RPN1: variants seen among roughly 807,000 people sequenced by gnomAD.
RPN1 encodes dolichyl-diphosphooligosaccharide--protein glycosyltransferase subunit 1.
RPN1 carries 12 observed loss-of-function variants against 55.5 expected under a neutral mutation model. The ratio of observed to expected loss-of-function variants is 0.22; its 90% CI spans 0.14 to 0.35. The LOEUF is 0.35. Among genes scored for constraint, RPN1 ranks in the 10% least tolerant of loss-of-function variants. RPN1 has a pLI of 1.00. For missense variants in RPN1, 679 were observed against 761.3 expected, an observed-to-expected ratio of 0.89 and a Z score of 1.27; for synonymous variants, 317 against 305.9, an observed-to-expected ratio of 1.04 and a Z score of -0.38.
chr3:128,626,103 T>C, intron 6 of RPN1, 91 bp from the exon 7 acceptor site: 1 of 1,310,128 alleles, frequency 7.6e-7, no homozygotes, highest in Non-Finnish European at 1.0e-6. Flanking sequence ...TAAGGAGCCT[T>C]TCAAGATCAC....
At chr3:128,640,984 C>G (rs2069720006) in intron 2 of RPN1, 1 of 152,174 alleles carries the variant, frequency 6.6e-6, no homozygotes, top group East Asian at 1.9e-4. Context: ...ACTCCAAGAT[C>G]ATTAGGAACA....
At chr3:128,638,365 A>C (rs752530351) in intron 2 of RPN1, among the ~76,000 whole-genome samples, 12 of 152,240 alleles carry the variant, frequency 7.9e-5, no homozygotes, top group South Asian at 2.1e-4. Flanking sequence ...GGGATTACCT[A>C]TTAGAATGTT....
At chr3:128,646,157 A>G (rs1432459791) in intron 1 of RPN1, among the ~76,000 whole-genome samples, 1 of 135,184 alleles carries the variant, frequency 7.4e-6, no homozygotes, top group Admixed American at 8.4e-5. Context: ...TGGGAGACGG[A>G]GGTTGCAGTG....
At position 128,632,119 on chromosome 3, in the gene RPN1, G is replaced by A. The variant is rs1225072861; in HGVS notation, c.672C>T (p.Phe224=). 2.0e-5 allele frequency: 33 copies of A among 1,614,074 alleles called. No individual in the cohort carries two copies. The highest frequency in any genetic ancestry group is 2.5e-5 in the Non-Finnish European group (30 of 1,180,046). The part of the protein sequence containing the change: ...FKVHYENNSP[F]LTITSMTRVI... ...CTCGGGTCATGCTGGTGATGGTCAG[G>A]AAAGGGCTGTTGTTCTCATAATGTA... Residue 224 remains phenylalanine (F), a synonymous_variant, in exon 4 of 10, where the codon TTC becomes TTT. Coordinates refer to ENST00000296255, the MANE Select transcript of RPN1 (RefSeq NM_002950.4).
At chr3:128,629,911 A>T in intron 5 of RPN1, 40 bp downstream of exon 5, 1 of 1,171,928 alleles carries the variant, frequency 8.5e-7, no homozygotes, top group Non-Finnish European at 1.2e-6. Flanking sequence ...TCACGAAATT[A>T]AAGAAAAGGT....
intron 1 of RPN1, among the ~76,000 whole-genome samples, chr3:128,647,951 C>T (rs1366005734): frequency 6.6e-6 from 1 of 152,088 alleles, no homozygotes; most frequent in Non-Finnish European, 1.5e-5. Context: ...TAAAATTCTA[C>T]AAGGGTTTGA....
rs1323716755 is a variant in RPN1 at position 128,644,782 on chromosome 3, GA to G, written c.326+136del. The G allele has an allele frequency of 1.1e-4, 74 of 649,348 alleles. No homozygotes were observed. In the African/African-American group the frequency reaches 1.3e-3, roughly 11 times the overall value. The allele number at this position is 649,348 out of a possible 1,614,324, so 40.2% of individuals were successfully genotyped here. On this transcript the variant is annotated intron_variant, in intron 2 of 9. Transcript: ENST00000296255. ...AAGACCAGCCTGGGCAACATAGCTA[GA>G]CCTCCTCTCTACAAAAAAAAAACCC...
At chr3:128,646,687 A>AT (rs2069771107) in intron 1 of RPN1, among the ~76,000 whole-genome samples, 1 of 150,842 alleles carries the variant, frequency 6.6e-6, no homozygotes, top group Non-Finnish European at 1.5e-5. Context: ...ACTCCATCTC[A>AT]TAAAAAAAAA....
intron 1 of RPN1, among the ~76,000 whole-genome samples, chr3:128,645,249 A>G (rs2069757928): frequency 6.6e-6 from 1 of 152,140 alleles, no homozygotes; most frequent in Non-Finnish European, 1.5e-5. Flanking sequence ...AAGTGGGCGG[A>G]TCACCTGAGG....
In RPN1 at chr3:128,649,894, G is replaced by A. The variant is rs151215795; in HGVS notation, c.261+646C>T. 1.7e-3 allele frequency among the ~76,000 whole-genome samples: 263 copies of A among 152,284 alleles called. 3 individuals carry two copies. The highest frequency in any genetic ancestry group is 5.9e-3 in the African/African-American group (246 of 41,544). On this transcript the variant is annotated intron_variant, in intron 1 of 9. Coordinates refer to ENST00000296255, the MANE Select transcript of RPN1 (RefSeq NM_002950.4). ...TAAAAAGAGTTTTAACATTTAGAAA[G>A]CGTTCACTAGGAACCTTAAAATGCA...
At chr3:128,635,620 T>G (rs186263045) in intron 3 of RPN1, among the ~76,000 whole-genome samples, 497 of 27,548 alleles carry the variant, frequency 0.018, 6 homozygotes, top group African/African-American at 0.09. Flanking sequence ...GAGATATATA[T>G]ATATATATAT....
chr3:128,644,674 C>T, intron 2 of RPN1: 1 of 626,014 alleles, frequency 1.6e-6, no homozygotes, highest in South Asian at 1.6e-5. Flanking sequence ...AAAAAATCCT[C>T]TAGGACAGAT....
At chr3:128,622,555 C>T in intron 8 of RPN1, 146 bp from the exon 9 acceptor site, 1 of 1,006,112 alleles carries the variant, frequency 9.9e-7, no homozygotes. Context: ...CCTACTGATA[C>T]CTAATCTGGA....
chr3:128,649,643 T>C (rs929847582), intron 1 of RPN1, among the ~76,000 whole-genome samples: 2 of 152,202 alleles, frequency 1.3e-5, no homozygotes, highest in Non-Finnish European at 2.9e-5. Context: ...TTAACAACAA[T>C]AGTAATAAAA....
At chr3:128,638,493 T>C (rs1284587720) in intron 2 of RPN1, among the ~76,000 whole-genome samples, 1 of 152,328 alleles carries the variant, frequency 6.6e-6, no homozygotes, top group East Asian at 1.9e-4. Context: ...TTTTTTTCTT[T>C]TTTTGAGACA....
intron 8 of RPN1, among the ~76,000 whole-genome samples, chr3:128,622,901 A>C (rs1238747443): frequency 6.6e-6 from 1 of 151,852 alleles, no homozygotes; most frequent in Non-Finnish European, 1.5e-5. Flanking sequence ...CATCTCAAAA[A>C]AAAAAAAAAA....
In RPN1 at chr3:128,620,021, A is replaced by AAG. The variant is rs1362468083; in HGVS notation, c.*389_*390insCT. The AAG allele has an allele frequency of 4.5e-6, 1 of 223,630 alleles. No individual in the cohort carries two copies. Among genetic ancestry groups the AAG allele is most frequent in the Non-Finnish European group, 8.9e-6 (1 of 112,270 alleles). The allele number at this position is 223,630 out of a possible 1,614,324, so 13.9% of individuals were successfully genotyped here. A position where few individuals can be genotyped will look rare whatever the true frequency, so the allele number is the denominator to read the frequency against. On this transcript the variant is annotated 3_prime_UTR_variant, in exon 10 of 10. Transcript: ENST00000296255. The stretch of plus-strand genomic sequence containing the variant: ...CATTTGTTCACACACGCTTTAAAAA[A>AAG]AAAAAAAAAAACACATGCACTCACA...
Position 128,627,789 on chromosome 3 carries a change from G to A in RPN1, c.1037-957C>T, listed in dbSNP as rs926010863. On this transcript the variant is annotated intron_variant, in intron 5 of 9. Coordinates refer to ENST00000296255, the MANE Select transcript of RPN1 (RefSeq NM_002950.4). ...CCATCTCAAAAAAAAAAAAAAAAAAGATTAAGTTATATAAGAAAAATGGGA... is the reference window on the plus strand; with the variant it reads ...CCATCTCAAAAAAAAAAAAAAAAAAAATTAAGTTATATAAGAAAAATGGGA... Among the ~76,000 whole-genome samples, 310 of 120,430 alleles carry A rather than the reference G, an allele frequency of 2.6e-3. 2 individuals are homozygous for A. Among genetic ancestry groups the A allele is most frequent in the Non-Finnish European group, 3.6e-3 (196 of 55,132 alleles). 79.0% of individuals were successfully genotyped at this position (120,430 alleles called of 152,430 possible).
At chr3:128,648,252 G>A (rs2069784455) in intron 1 of RPN1, among the ~76,000 whole-genome samples, 2 of 152,048 alleles carry the variant, frequency 1.3e-5, no homozygotes, top group Admixed American at 1.3e-4. Context: ...ACAATTAGCT[G>A]GGCGTGGCAG....
Sources: gnomAD v4.1 joint callset for allele counts (sites outside exome capture counted in the v4.1 genomes callset) on GRCh38, gnomAD v4.1.1 for gene constraint, MANE v1.5 for transcripts, NCBI Gene and HGNC (gene_info 2026-07-23, HGNC 2026-07-21) for gene names.